DYTN: variants seen among roughly 807,000 people sequenced by gnomAD.
DYTN encodes the protein dystrotelin.
DYTN carries 75 observed loss-of-function variants against 69.6 expected under a neutral mutation model. The ratio of observed to expected loss-of-function variants is 1.08; its 90% confidence interval spans 0.89 to 1.31. The LOEUF (loss-of-function observed/expected upper bound fraction) is 1.31. DYTN is among the 50% of genes most tolerant of loss of function. The pLI is 0.00. For missense variants in DYTN, 726 were observed against 688.4 expected (o/e 1.05, Z -0.61); for synonymous variants, 252 against 249.1 (o/e 1.01, Z -0.11).
intron 11 of DYTN, 90 bp downstream of exon 11, chr2:206,662,813 G>A (rs1204338546): frequency 1.3e-6 from 2 of 1,513,152 alleles, no homozygotes; most frequent in Admixed American, 2.2e-5. Context: ...TAGATGAACT[G>A]GAGCTGTTGG....
rs533246228 is a variant in DYTN, at chr2:206,699,831, G to T, written c.615C>A (p.Pro205=). 6.2e-7 allele frequency: 1 copy of T among 1,613,752 alleles called. No homozygotes were observed. Among genetic ancestry groups the T allele is most frequent in the Non-Finnish European group, 8.5e-7 (1 of 1,179,834 alleles). The change falls in exon 7 of 12, where the codon CCC becomes CCA. Residue 205 remains proline (P), a synonymous_variant. Transcript: ENST00000452335. The stretch of plus-strand genomic sequence containing the variant: ...GGCAGGTCGGGAGCCACAGGAGGAT[G>T]GGAGGCTCAGATTGGACCCAAGACA... ...KFLSWVQSEP[P]ILLWLPTCHR...
chr2:206,675,321 A>G (rs949742768), intron 9 of DYTN, among the ~76,000 whole-genome samples: 3 of 147,854 alleles, frequency 2.0e-5, no homozygotes, highest in African/African-American at 7.4e-5. Context: ...TGATCTTTAA[A>G]TATATTTAAA....
rs180683458 is a variant in DYTN at position 206,653,068 on chromosome 2, G to A, written c.1634-1147C>T. On this transcript the variant is annotated intron_variant, in intron 11 of 11. Transcript: ENST00000452335. ...TTTTTTGTTGAACATAAGGCTAGAG[G>A]GTTCATGCATTTTTTATCCCACTTA... Among the ~76,000 whole-genome samples, 31 of 152,136 alleles carry A rather than the reference G, an allele frequency of 2.0e-4. No individual in the cohort carries two copies. The East Asian group carries it at 6.0e-3, about 29-fold the overall frequency.
intron 9 of DYTN, among the ~76,000 whole-genome samples, chr2:206,676,621 A>G (rs1699691748): frequency 6.6e-6 from 1 of 152,232 alleles, no homozygotes; most frequent in Admixed American, 6.5e-5. Context: ...ATACGTAAAA[A>G]TATAAAAATG....
At chr2:206,711,015 T>A (rs1417376031) in intron 1 of DYTN, among the ~76,000 whole-genome samples, 1 of 152,206 alleles carries the variant, frequency 6.6e-6, no homozygotes, top group African/African-American at 2.4e-5. Context: ...TTAGCCAATA[T>A]TTATTGAGCC....
Position 206,651,649 on chromosome 2 carries a change from T to C in DYTN, c.*169A>G, listed in dbSNP as rs1305901532. ...CTAACCCCCAACCTTCACTCTGAAC[T>C]GCAGAACTAAGATACATAAGTAGGG... On this transcript the variant is annotated 3_prime_UTR_variant, in exon 12 of 12. Transcript: ENST00000452335. 1.0e-5 allele frequency: 6 copies of C among 589,926 alleles called. No individual in the cohort carries two copies. The highest frequency in any genetic ancestry group is 1.5e-5 in the Non-Finnish European group (5 of 330,458). The allele number at this position is 589,926 out of a possible 1,614,324, so 36.5% of individuals were successfully genotyped here.
chr2:206,681,195 A>G (rs1699746827), intron 9 of DYTN, among the ~76,000 whole-genome samples: 1 of 152,076 alleles, frequency 6.6e-6, no homozygotes, highest in Non-Finnish European at 1.5e-5. Flanking sequence ...GTTGTATAGG[A>G]ATACTTGTGA....
chr2:206,716,639 C>T (rs1440590752), intron 1 of DYTN, among the ~76,000 whole-genome samples: 1 of 151,406 alleles, frequency 6.6e-6, no homozygotes, highest in Non-Finnish European at 1.5e-5. Flanking sequence ...AGAAACTCCT[C>T]TGTCCTATGT....
rs778939275 is a variant in DYTN, at chr2:206,693,256, C to G, written c.899G>C (p.Cys300Ser). Residue 300 changes from cysteine to serine, a missense_variant, in exon 9 of 12, where the codon TGT becomes TCT. Cys to Ser is a moderately radical substitution (Grantham distance 112, BLOSUM62 -1). Transcript: ENST00000452335. ...CCTTCTCGCTGCTTCTTTCTTCCTA[C>G]AGCGCCCCTGAAGAAGGTTGTTTCT... ...TLRNNLLQGR[C>S]RKKEAARRQQ... 1.1e-5 allele frequency: 18 copies of G among 1,613,714 alleles called. No individual in the cohort carries two copies. The South Asian group carries it at 2.0e-4, about 18-fold the overall frequency.
intron 9 of DYTN, among the ~76,000 whole-genome samples, chr2:206,681,921 C>T (rs543253450): frequency 1.2e-4 from 18 of 152,242 alleles, no homozygotes; most frequent in South Asian, 4.1e-4. Flanking sequence ...CCCTGCTTTT[C>T]AATAGTTTGG....
At chr2:206,685,426 G>T (rs1699795912) in intron 9 of DYTN, among the ~76,000 whole-genome samples, 1 of 152,140 alleles carries the variant, frequency 6.6e-6, no homozygotes, top group African/African-American at 2.4e-5. Context: ...GCCTCCCAAA[G>T]TGCTGGGATT....
intron 10 of DYTN, 123 bp from the exon 11 acceptor site, chr2:206,663,518 TA>T: frequency 9.8e-7 from 1 of 1,022,534 alleles, no homozygotes; most frequent in Non-Finnish European, 1.4e-6. Context: ...CCTCTGTAAA[TA>T]TATTATCATT....
intron 9 of DYTN, among the ~76,000 whole-genome samples, chr2:206,685,929 A>G (rs901173257): frequency 2.6e-5 from 4 of 151,984 alleles, no homozygotes; most frequent in African/African-American, 9.7e-5. Context: ...CAGTTCCCTA[A>G]AAATGTTGAA....
chr2:206,698,755 C>T (rs1699946201), intron 7 of DYTN, among the ~76,000 whole-genome samples: 1 of 152,226 alleles, frequency 6.6e-6, no homozygotes, highest in Non-Finnish European at 1.5e-5. Context: ...GAATCTCCCA[C>T]CTCCAAATCT....
rs1484792329 is a variant in DYTN, at chr2:206,699,783, C to A, written c.663G>T (p.Arg221Ser). The change falls in exon 7 of 12, where the codon AGG (arginine) becomes AGT (serine). Residue 221 changes from arginine (R) to serine (S), a missense_variant. Physicochemically the swap from Arg to Ser is moderately radical, Grantham distance 110. Coordinates refer to ENST00000452335, the MANE Select transcript of DYTN (RefSeq NM_001093730.1). ...GAGTGCACCGAGCAGGGTGAGTGAC[C>A]CTTTCAGCAGCTGATAACCGGTGGC... Reference protein sequence around the residue: ...PTCHRLSAAERVTHPARCTLC... With the variant: ...PTCHRLSAAESVTHPARCTLC... 1.9e-6 allele frequency: 3 copies of A among 1,613,648 alleles called. No homozygotes were observed. The highest frequency in any genetic ancestry group is 2.5e-6 in the Non-Finnish European group (3 of 1,179,814).
At position 206,663,039 on chromosome 2, in the gene DYTN, C is replaced by T. The variant is rs758063295; in HGVS notation, c.1497G>A (p.Met499Ile). The change falls in exon 11 of 12, where the codon ATG becomes ATA. Residue 499 changes from methionine to isoleucine, a missense_variant. By Grantham distance (10) the Met-to-Ile change is conservative. Coordinates refer to ENST00000452335, the MANE Select transcript of DYTN (RefSeq NM_001093730.1). ...CCACGGCTGCCAGAGCAGGACTGCT[C>T]ATTTCAGCAGGAACCATTTTGGGGA... ...QDIPKMVPAE[M>I]SSPALAAVEK... 5.6e-6 allele frequency: 9 copies of T among 1,613,790 alleles called. No individual in the cohort carries two copies. The Admixed American group carries it at 1.2e-4, about 21-fold the overall frequency.
At chr2:206,665,839 C>T (rs1357263119) in intron 10 of DYTN, 31 bp downstream of exon 10, 3 of 1,608,336 alleles carry the variant, frequency 1.9e-6, no homozygotes, top group Non-Finnish European at 2.5e-6. Flanking sequence ...TCCAGGCAGT[C>T]CAGATGGCCA....
At chr2:206,706,889 C>T (rs960556731) in intron 3 of DYTN, among the ~76,000 whole-genome samples, 1 of 140,996 alleles carries the variant, frequency 7.1e-6, no homozygotes, top group Non-Finnish European at 1.5e-5. Flanking sequence ...GATTTTCAAC[C>T]TTATTCTAGC....
At chr2:206,658,190 G>A (rs1321786062) in intron 11 of DYTN, among the ~76,000 whole-genome samples, 2 of 151,760 alleles carry the variant, frequency 1.3e-5, no homozygotes, top group Non-Finnish European at 2.9e-5. Context: ...CAAGACTATT[G>A]TTTGGTTCTT....
Sources: allele counts gnomAD v4.1 joint callset (sites outside exome capture counted in the v4.1 genomes callset), GRCh38; gene constraint gnomAD v4.1.1; transcripts MANE v1.5; gene names NCBI Gene and HGNC (gene_info 2026-07-23, HGNC 2026-07-21).